The following STARD9 variants were observed in gnomAD, a reference collection of about 807,000 sequenced individuals.
The protein encoded by STARD9 is StAR related lipid transfer domain containing 9, also known as stAR-related lipid transfer protein 9.
Under a neutral mutation model 399.8 loss-of-function variants are expected in STARD9, and 346 were observed. The observed-to-expected ratio is 0.87, with a 90% CI of 0.79 to 0.95. STARD9 has a LOEUF of 0.95. Among genes scored for constraint, STARD9 ranks in the 40% least tolerant of loss-of-function variants. The pLI, the probability that STARD9 is intolerant of heterozygous loss-of-function variation, is 0.00. For missense variants in STARD9, 5,832 were observed against 5,667.5 expected (o/e 1.03, Z -0.93); for synonymous variants, 2,203 against 2,143.5 (o/e 1.03, Z -0.77).
rs1378209071 is a variant in STARD9 at position 42,692,749 on chromosome 15, T to C, written c.11171T>C (p.Met3724Thr). 4 of 1,536,952 alleles carry C rather than the reference T, an allele frequency of 2.6e-6. No individual in the cohort carries two copies. Among genetic ancestry groups the C allele is most frequent in the Admixed American group, 2.0e-5 (1 of 50,962 alleles). ...GATAAAGCCCCACAGGCCCTGATGA[T>C]GGATGGCTCTACTCAGACCACTGTG... ...IPDKAPQALMMDGSTQTTVDE... is the reference protein window; with the variant it reads ...IPDKAPQALMTDGSTQTTVDE... Residue 3724 changes from methionine (M) to threonine (T), a missense_variant, in exon 23 of 33, where the codon ATG (methionine) becomes ACG (threonine). This residue lies in a region of STARD9 where 5,828 missense variants were observed against 5,651.1 expected (regional missense o/e 1.03). Transcript: ENST00000290607.
intron 3 of STARD9, among the ~76,000 whole-genome samples, chr15:42,621,362 A>C (rs2059089283): frequency 6.6e-6 from 1 of 152,216 alleles, no homozygotes; most frequent in Non-Finnish European, 1.5e-5. Flanking sequence ...CATTTTATAC[A>C]GTGGATTACA....
rs1355414453 is a variant in STARD9 at position 42,690,851 on chromosome 15, GAAGC to G, written c.9283_9286del (p.Ser3095GlnfsTer17). 6 of 1,537,064 alleles carry G rather than the reference GAAGC, an allele frequency of 3.9e-6. No individual in the cohort carries two copies. Among genetic ancestry groups the G allele is most frequent in the Non-Finnish European group, 5.2e-6 (6 of 1,146,910 alleles). On this transcript the variant is annotated frameshift_variant, in exon 23 of 33. Coordinates refer to ENST00000290607, the MANE Select transcript of STARD9 (RefSeq NM_020759.3). LOFTEE classifies it high-confidence loss of function. Reference sequence around the variant, plus strand: ...GGGTTCCTGAGAAAAAGGTTGCTGAGAAGCAAGCAAGCACAGAACTTGAGGCTGC... The same window carrying G: ...GGGTTCCTGAGAAAAAGGTTGCTGAGAAGCAAGCACAGAACTTGAGGCTGC...
chr15:42,685,949 C>G lies in STARD9; in HGVS notation c.4371C>G (p.Ser1457=), dbSNP rs1220316009. The stretch of plus-strand genomic sequence containing the variant: ...CCCAGCAGGGCAGCTCTGAAGCATC[C>G]CACAATTCTAGCGTATCAAACGTGC... ...DMTQQGSSEA[S]HNSSVSNVLA... Residue 1457 remains serine (S), a synonymous_variant, in exon 23 of 33, where the codon TCC becomes TCG. Coordinates refer to ENST00000290607, the MANE Select transcript of STARD9 (RefSeq NM_020759.3). 6.5e-7 allele frequency: 1 copy of G among 1,537,178 alleles called. No homozygotes were observed. Among genetic ancestry groups the G allele is most frequent in the Non-Finnish European group, 8.7e-7 (1 of 1,146,920 alleles).
intron 20 of STARD9, among the ~76,000 whole-genome samples, chr15:42,680,166 A>C (rs74352881): frequency 0.015 from 2,347 of 152,348 alleles, 36 homozygotes; most frequent in Non-Finnish European, 0.026. Flanking sequence ...GATACCCTGC[A>C]GAAAAAGCAT....
chr15:42,708,762 C>A (rs1166253125), intron 26 of STARD9, among the ~76,000 whole-genome samples: 1 of 151,656 alleles, frequency 6.6e-6, no homozygotes, highest in Non-Finnish European at 1.5e-5. Flanking sequence ...TGTGAAAACC[C>A]GATCGTCATG....
At chr15:42,626,498 T>C (rs1377378049) in intron 3 of STARD9, among the ~76,000 whole-genome samples, 30 of 134,178 alleles carry the variant, frequency 2.2e-4, no homozygotes, top group Admixed American at 4.4e-4. Flanking sequence ...CTTCCTCTTC[T>C]TTTTTTTTTT....
chr15:42,692,953 A>G lies in STARD9; in HGVS notation c.11375A>G (p.Gln3792Arg), dbSNP rs1244322037. 6.5e-7 allele frequency: 1 copy of G among 1,537,134 alleles called. No individual in the cohort carries two copies. The highest frequency in any genetic ancestry group is 8.7e-7 in the Non-Finnish European group (1 of 1,146,912). ...PQKREAEETA[Q>R]KMAQLLYLQE... Reference sequence around the variant, plus strand: ...AAGAGAGAGGCAGAGGAAACAGCACAGAAAATGGCTCAGCTCCTCTATCTT... The same window carrying G: ...AAGAGAGAGGCAGAGGAAACAGCACGGAAAATGGCTCAGCTCCTCTATCTT... Residue 3792 changes from glutamine (Q) to arginine (R), a missense_variant, in exon 23 of 33, where the codon CAG (glutamine) becomes CGG (arginine). By Grantham distance (43) the Gln-to-Arg change is conservative (BLOSUM62 1). Around this residue, in one of 2 missense-constraint regions of STARD9, gnomAD observed 5,828 missense variants for 5,651.1 expected, o/e 1.03. Transcript: ENST00000290607.
chr15:42,683,430 T>G (rs1437224710), intron 22 of STARD9, among the ~76,000 whole-genome samples: 1 of 152,222 alleles, frequency 6.6e-6, no homozygotes, highest in East Asian at 1.9e-4. Flanking sequence ...CATGTCACTT[T>G]AGTTCTACAT....
At chr15:42,605,390 C>G (rs1410991084) in intron 3 of STARD9, among the ~76,000 whole-genome samples, 1 of 152,134 alleles carries the variant, frequency 6.6e-6, no homozygotes, top group Non-Finnish European at 1.5e-5. Context: ...AGCCTGAAAT[C>G]AAATGGTGAC....
Position 42,685,688 on chromosome 15 carries a change from G to C in STARD9, c.4110G>C (p.Lys1370Asn), listed in dbSNP as rs2060536846. 6.5e-7 allele frequency: 1 copy of C among 1,537,400 alleles called. No individual in the cohort carries two copies. ...SPDMQEFHSC[K>N]GERPGYWPNT... The stretch of plus-strand genomic sequence containing the variant: ...ATATGCAGGAATTTCACTCCTGTAA[G>C]GGGGAGAGGCCTGGATACTGGCCAA... Residue 1370 changes from lysine to asparagine, a missense_variant, in exon 23 of 33, where the codon AAG becomes AAC. Lys to Asn is a moderately conservative substitution (Grantham distance 94, BLOSUM62 0). Coordinates refer to ENST00000290607, the MANE Select transcript of STARD9 (RefSeq NM_020759.3).
intron 3 of STARD9, among the ~76,000 whole-genome samples, chr15:42,624,986 G>A (rs968700545): frequency 6.6e-6 from 1 of 152,102 alleles, no homozygotes; most frequent in Non-Finnish European, 1.5e-5. Context: ...ATAGAGATAA[G>A]TAATATTTAA....
chr15:42,692,656 A>G lies in STARD9; in HGVS notation c.11078A>G (p.Glu3693Gly). 10 of 1,537,156 alleles carry G rather than the reference A, an allele frequency of 6.5e-6. No homozygotes were observed. Among genetic ancestry groups the G allele is most frequent in the African/African-American group, 1.4e-5 (1 of 73,144 alleles). ...HLSQLLHSTS[E>G]LLGSLSQPDV... is the part of the protein sequence containing the mutation. ...TCACAGCTCCTGCACAGTACCTCAGAGCTGCTTGGGAGTCTCTCCCAGCCA... is the reference window on the plus strand; with the variant it reads ...TCACAGCTCCTGCACAGTACCTCAGGGCTGCTTGGGAGTCTCTCCCAGCCA... The change falls in exon 23 of 33, where the codon GAG (glutamate) becomes GGG (glycine). Residue 3693 changes from glutamate to glycine, a missense_variant. Transcript: ENST00000290607.
At chr15:42,675,067 C>T (rs1459142218) in intron 18 of STARD9, 103 bp downstream of exon 18, 90 of 1,258,184 alleles carry the variant, frequency 7.2e-5, no homozygotes, top group South Asian at 3.4e-4. Flanking sequence ...AAATGGATCA[C>T]CCAGCCTCTG....
At position 42,638,752 on chromosome 15, in the gene STARD9, C is replaced by CA. The variant is rs1194571990; in HGVS notation, c.506dup (p.Ser170ValfsTer28). On this transcript the variant is annotated frameshift_variant, in exon 7 of 33. Transcript: ENST00000290607. LOFTEE classifies it high-confidence loss of function. Reference sequence around the variant, plus strand: ...GCGGGATCTGTTGAAGCAATCTGGTCAAAAAAAGTCCTATACCCTGCGGGT... The same window carrying CA: ...GCGGGATCTGTTGAAGCAATCTGGTCAAAAAAAAGTCCTATACCCTGCGGGT... The CA allele has an allele frequency of 6.5e-7, 1 of 1,536,200 alleles. No individual in the cohort carries two copies. The highest frequency in any genetic ancestry group is 8.7e-7 in the Non-Finnish European group (1 of 1,146,370).
rs2060639395 is a variant in STARD9 at position 42,689,485 on chromosome 15, A to G, written c.7907A>G (p.Lys2636Arg). ...GQIDLLPDER[K>R]VQATSLSADS... is the part of the protein sequence containing the mutation. ...ATAGATCTGTTACCTGATGAGAGGA[A>G]AGTCCAGGCCACATCTCTGTCTGCA... Residue 2636 changes from lysine to arginine, a missense_variant, in exon 23 of 33, where the codon AAA (lysine) becomes AGA (arginine). Around this residue, in one of 2 missense-constraint regions of STARD9, gnomAD observed 5,828 missense variants for 5,651.1 expected, o/e 1.03. Transcript: ENST00000290607. The G allele has an allele frequency of 6.5e-7, 1 of 1,537,314 alleles. No homozygotes were observed. The highest frequency in any genetic ancestry group is 2.4e-5 in the East Asian group (1 of 40,914).
rs985870101 is a variant in STARD9, at chr15:42,699,821, C to T, written c.13284+3941C>T. Among the ~76,000 whole-genome samples, 4 of 152,088 alleles carry T rather than the reference C, an allele frequency of 2.6e-5. No individual in the cohort carries two copies. The South Asian group carries it at 6.2e-4, about 24-fold the overall frequency. On this transcript the variant is annotated intron_variant, in intron 26 of 32. Coordinates refer to ENST00000290607, the MANE Select transcript of STARD9 (RefSeq NM_020759.3). ...TCCCGGGTTCAAGCGATTCTCATGC[C>T]TCAGCTTCCCAAGTAGCTAGAATTA...
At chr15:42,679,182 T>C (rs2140189432) in intron 20 of STARD9, among the ~76,000 whole-genome samples, 1 of 152,344 alleles carries the variant, frequency 6.6e-6, no homozygotes, top group South Asian at 2.1e-4. Flanking sequence ...TTGTCTAGGA[T>C]GGGCTCATGT....
In STARD9 at chr15:42,674,856, C is replaced by T; in HGVS notation, c.1579C>T (p.His527Tyr). The change falls in exon 18 of 33, where the codon CAC becomes TAC. Residue 527 changes from histidine to tyrosine, a missense_variant. By Grantham distance (83) the His-to-Tyr change is moderately conservative (BLOSUM62 2). Around this residue, in one of 2 missense-constraint regions of STARD9, gnomAD observed 5,828 missense variants for 5,651.1 expected, o/e 1.03. Coordinates refer to ENST00000290607, the MANE Select transcript of STARD9 (RefSeq NM_020759.3). Reference sequence around the variant, plus strand: ...GCAGGGTCAGTGGATTGAGAGAGACCACTGCACTATCACCAGTGCCTGTGG... The same window carrying T: ...GCAGGGTCAGTGGATTGAGAGAGACTACTGCACTATCACCAGTGCCTGTGG... ...VLQGQWIERD[H>Y]CTITSACGVV... 6.5e-7 allele frequency: 1 copy of T among 1,536,200 alleles called. No homozygotes were observed. The highest frequency in any genetic ancestry group is 8.7e-7 in the Non-Finnish European group (1 of 1,146,418).
chr15:42,684,473 A>G lies in STARD9; in HGVS notation c.2895A>G (p.Pro965=). 2.6e-6 allele frequency: 4 copies of G among 1,537,246 alleles called. No individual in the cohort carries two copies. The highest frequency in any genetic ancestry group is 3.5e-6 in the Non-Finnish European group (4 of 1,146,900). ...ACAAACTAAAGCCAAGGCATGAGCC[A>G]AAGATCTTCACCTCTACTACCCAGA... is the stretch of plus-strand genomic sequence containing the variant. The part of the protein sequence containing the change: ...SANKLKPRHE[P]KIFTSTTQTR... The change falls in exon 23 of 33, where the codon CCA becomes CCG. Residue 965 remains proline, a synonymous_variant. Transcript: ENST00000290607.
Sources: gnomAD v4.1 joint callset for allele counts (sites outside exome capture counted in the v4.1 genomes callset) on GRCh38, gnomAD v4.1.1 for gene constraint, gnomAD v4.1.1 regional missense constraint, MANE v1.5 for transcripts, NCBI Gene and HGNC (gene_info 2026-07-23, HGNC 2026-07-21) for gene names.